Variants in AAK1 observed in about 807,000 individuals in gnomAD.
AAK1 encodes AP2-associated protein kinase 1.
A neutral mutation model predicts 116.0 loss-of-function variants in AAK1; 37 were observed. That is an observed-to-expected ratio of 0.32 (90% CI 0.25 to 0.42). The LOEUF is 0.42. Ranked by LOEUF, AAK1 falls within the 10% of genes least tolerant of loss-of-function variation. The pLI is 1.00. For missense variants in AAK1, 919 were observed against 1,170.6 expected, an observed-to-expected ratio of 0.79 and a Z score of 3.14; for synonymous variants, 458 against 439.9, an observed-to-expected ratio of 1.04 and a Z score of -0.51.
intron 20 of AAK1, among the ~76,000 whole-genome samples, chr2:69,477,638 T>C (rs1674905536): frequency 6.6e-6 from 1 of 152,230 alleles, no homozygotes; most frequent in Non-Finnish European, 1.5e-5. Context: ...GGCTGAGCAC[T>C]TATTTTGCAA....
chr2:69,484,928 G>A (rs978977246), intron 17 of AAK1, among the ~76,000 whole-genome samples: 1 of 151,404 alleles, frequency 6.6e-6, no homozygotes, highest in African/African-American at 2.4e-5. Flanking sequence ...AAAAAAGGAA[G>A]TTTTTCAGTT....
Position 69,465,643 on chromosome 2 carries a change from G to A in AAK1, c.*10226C>T, listed in dbSNP as rs371344053. On this transcript the variant is annotated 3_prime_UTR_variant, in exon 22 of 22. Transcript: ENST00000409085. Reference sequence around the variant, plus strand: ...TGACGGGAATACTTGGATAAGGACTGGGGGCGGAATGGTTTGCCAGCCATG... The same window carrying A: ...TGACGGGAATACTTGGATAAGGACTAGGGGCGGAATGGTTTGCCAGCCATG... 2 of 1,290,924 alleles carry A rather than the reference G, an allele frequency of 1.5e-6. No homozygotes were observed. Among genetic ancestry groups the A allele is most frequent in the Admixed American group, 2.3e-5 (1 of 43,562 alleles). The allele number at this position is 1,290,924 out of a possible 1,614,324, so 80.0% of individuals were successfully genotyped here. A position where few individuals can be genotyped will look rare whatever the true frequency, so the allele number is the denominator to read the frequency against.
chr2:69,542,676 ACGT>A lies in AAK1; in HGVS notation c.392-14_392-12del, dbSNP rs1670768706. On this transcript the variant is annotated splice_polypyrimidine_tract_variant and intron_variant, in intron 4 of 21. Coordinates refer to ENST00000409085, the MANE Select transcript of AAK1 (RefSeq NM_014911.5). ...TTACCACCTGGCCACCTGAGGGGGT[ACGT>A]ACAGGGCAAAGGAGACGTTATAAAC... The A allele has an allele frequency of 6.2e-7, 1 of 1,613,228 alleles. No homozygotes were observed. The highest frequency in any genetic ancestry group is 1.7e-5 in the Admixed American group (1 of 59,992).
intron 3 of AAK1, among the ~76,000 whole-genome samples, chr2:69,548,631 A>G (rs1671033374): frequency 7.2e-6 from 1 of 139,638 alleles, no homozygotes; most frequent in Non-Finnish European, 1.5e-5. Context: ...CTTTTGAGAC[A>G]GTCTTGCTCT....
At chr2:69,555,073 AG>A in intron 3 of AAK1, among the ~76,000 whole-genome samples, 1 of 152,356 alleles carries the variant, frequency 6.6e-6, no homozygotes, top group African/African-American at 2.4e-5. Context: ...AGGGCATTCC[AG>A]ATAGAGGAAA....
chr2:69,574,195 AC>A (rs1672203286), intron 2 of AAK1, among the ~76,000 whole-genome samples: 5 of 151,228 alleles, frequency 3.3e-5, no homozygotes, highest in African/African-American at 7.3e-5. Context: ...CAACAGTGAA[AC>A]CCCATCTCTA....
At chr2:69,561,314 C>G (rs951762837) in intron 2 of AAK1, among the ~76,000 whole-genome samples, 1 of 152,180 alleles carries the variant, frequency 6.6e-6, no homozygotes, top group Non-Finnish European at 1.5e-5. Context: ...AATATTAGCT[C>G]AGACATTCAT....
chr2:69,591,934 C>A (rs966196531), intron 2 of AAK1, among the ~76,000 whole-genome samples: 2 of 152,156 alleles, frequency 1.3e-5, no homozygotes, highest in Admixed American at 1.3e-4. Flanking sequence ...AAAGTTGGAA[C>A]AAGATGTCAC....
At chr2:69,534,795 T>C (rs1381955733) in intron 5 of AAK1, among the ~76,000 whole-genome samples, 1 of 152,252 alleles carries the variant, frequency 6.6e-6, no homozygotes, top group Non-Finnish European at 1.5e-5. Context: ...AAATATTTAT[T>C]ATCTGGCCCT....
chr2:69,496,271 C>A (rs1436913496), intron 16 of AAK1, among the ~76,000 whole-genome samples, 191 bp from the exon 17 acceptor site: 1 of 148,588 alleles, frequency 6.7e-6, no homozygotes, highest in Admixed American at 6.9e-5. Flanking sequence ...TCAATCTGGC[C>A]CGTTTTTTTT....
At chr2:69,638,162 G>T (rs553737758) in intron 2 of AAK1, among the ~76,000 whole-genome samples, 1 of 152,150 alleles carries the variant, frequency 6.6e-6, no homozygotes, top group Non-Finnish European at 1.5e-5. Context: ...GATCAAATTG[G>T]TGTTTGCGTC....
In AAK1 at chr2:69,512,411, T is replaced by C. The variant is rs117390717; in HGVS notation, c.1776+2060A>G. 3.8e-4 allele frequency among the ~76,000 whole-genome samples: 58 copies of C among 152,356 alleles called. No homozygotes were observed. In the East Asian group the frequency reaches 6.0e-3, roughly 16 times the overall value. The stretch of plus-strand genomic sequence containing the variant: ...ACCTCATGAGCATTTCTTTTCATAC[T>C]GTTGTACAGACTTTATAACCGTGCT... On this transcript the variant is annotated intron_variant, in intron 13 of 21. Transcript: ENST00000409085.
intron 2 of AAK1, among the ~76,000 whole-genome samples, chr2:69,616,976 C>T (rs1674357174): frequency 6.6e-6 from 1 of 152,124 alleles, no homozygotes; most frequent in Non-Finnish European, 1.5e-5. Context: ...CTTGCCAGGC[C>T]ACAGATTATC....
chr2:69,575,011 A>T (rs1672244909), intron 2 of AAK1, among the ~76,000 whole-genome samples: 1 of 148,336 alleles, frequency 6.7e-6, no homozygotes, highest in African/African-American at 2.5e-5. Flanking sequence ...ACGTATAGCA[A>T]AAAGACTACA....
At chr2:69,495,717 A>C (rs1428357157) in intron 17 of AAK1, among the ~76,000 whole-genome samples, 1 of 152,144 alleles carries the variant, frequency 6.6e-6, no homozygotes, top group African/African-American at 2.4e-5. Flanking sequence ...GTCACCATTA[A>C]CACAATCAAG....
chr2:69,530,664 C>A lies in AAK1; in HGVS notation c.699G>T (p.Leu233=), dbSNP rs777619799. 6.2e-7 allele frequency: 1 copy of A among 1,613,772 alleles called. No individual in the cohort carries two copies. The highest frequency in any genetic ancestry group is 1.3e-5 in the African/African-American group (1 of 75,016). Residue 233 remains leucine, a synonymous_variant, in exon 7 of 22, where the codon CTG becomes CTT. Transcript: ENST00000409085. ...LSYRAPEMVN[L]YSGKIITTKA... ...TCGTAGTGATGATTTTGCCACTGTACAGGTTGACCATTTCTGGTGCTCGAT... is the reference window on the plus strand; with the variant it reads ...TCGTAGTGATGATTTTGCCACTGTAAAGGTTGACCATTTCTGGTGCTCGAT...
At chr2:69,534,247 G>A (rs929460776) in intron 5 of AAK1, among the ~76,000 whole-genome samples, 1 of 152,126 alleles carries the variant, frequency 6.6e-6, no homozygotes, top group African/African-American at 2.4e-5. Context: ...GCCAATAGTT[G>A]GTACAGCTGG....
At chr2:69,484,440 T>A (rs1675209925) in intron 17 of AAK1, among the ~76,000 whole-genome samples, 1 of 152,214 alleles carries the variant, frequency 6.6e-6, no homozygotes, top group Non-Finnish European at 1.5e-5. Flanking sequence ...GGAATGCAGA[T>A]AACTTTGAAT....
At chr2:69,574,701 T>C (rs1558973087) in intron 2 of AAK1, among the ~76,000 whole-genome samples, 2 of 152,114 alleles carry the variant, frequency 1.3e-5, no homozygotes, top group African/African-American at 4.8e-5. Context: ...ACGGGGATGG[T>C]GGCTCATGCC....
Sources: allele counts gnomAD v4.1 joint callset (sites outside exome capture counted in the v4.1 genomes callset), GRCh38; gene constraint gnomAD v4.1.1; transcripts MANE v1.5; gene names NCBI Gene and HGNC (gene_info 2026-07-23, HGNC 2026-07-21).